GPRC6A: variants seen among roughly 807,000 people sequenced by gnomAD.
The protein encoded by GPRC6A is G protein-coupled receptor family C group 6 member A.
Under a neutral mutation model 47.0 loss-of-function variants are expected in GPRC6A, and 54 were observed. The ratio of observed to expected loss-of-function variants is 1.15; its 90% CI spans 0.92 to 1.44. The LOEUF is 1.44. Among genes scored for constraint, GPRC6A ranks in the 40% most tolerant of loss-of-function variants. The pLI is 0.00. For missense variants in GPRC6A, 1,112 were observed against 1,105.5 expected (o/e 1.01, Z -0.08); for synonymous variants, 347 against 377.1 (o/e 0.92, Z 0.93).
At chr6:116,824,650 T>A (rs1347366403) in intron 1 of GPRC6A, among the ~76,000 whole-genome samples, 1 of 151,944 alleles carries the variant, frequency 6.6e-6, no homozygotes, top group East Asian at 1.9e-4. Context: ...TGCTGCTGAA[T>A]TCTACCAAAT....
chr6:116,800,382 T>C (rs1306800748), intron 4 of GPRC6A, among the ~76,000 whole-genome samples: 1 of 136,490 alleles, frequency 7.3e-6, no homozygotes, highest in Non-Finnish European at 1.6e-5. Flanking sequence ...CCTCCCTCCC[T>C]CTCTCTCTCT....
At chr6:116,816,852 G>T (rs1227873089) in intron 1 of GPRC6A, among the ~76,000 whole-genome samples, 1 of 152,122 alleles carries the variant, frequency 6.6e-6, no homozygotes, top group Admixed American at 6.5e-5. Context: ...GGCGCACTAC[G>T]AGATTATATC....
intron 1 of GPRC6A, among the ~76,000 whole-genome samples, chr6:116,825,081 A>G (rs565976926): frequency 6.6e-6 from 1 of 152,194 alleles, no homozygotes; most frequent in Non-Finnish European, 1.5e-5. Flanking sequence ...CAGATGGAAC[A>G]TACTTCAAAT....
intron 1 of GPRC6A, among the ~76,000 whole-genome samples, chr6:116,810,026 C>A (rs1772975526): frequency 6.6e-6 from 1 of 152,000 alleles, no homozygotes; most frequent in South Asian, 2.1e-4. Context: ...ATAAATAAGA[C>A]TCTTAAGAAT....
intron 1 of GPRC6A, among the ~76,000 whole-genome samples, chr6:116,818,513 G>A (rs1405280249): frequency 1.5e-4 from 11 of 72,584 alleles, no homozygotes; most frequent in African/African-American, 3.9e-4. Context: ...CAGCCTGGGC[G>A]ACAGAGCGAG....
intron 1 of GPRC6A, among the ~76,000 whole-genome samples, chr6:116,816,837 A>T (rs1773229535): frequency 6.6e-6 from 1 of 152,232 alleles, no homozygotes; most frequent in Non-Finnish European, 1.5e-5. Context: ...ACAGGCTTAA[A>T]AAACGGCGCA....
intron 2 of GPRC6A, 83 bp downstream of exon 2, chr6:116,809,231 A>AACTAGTTTCCTCAGGTTTCCCTG: frequency 9.4e-7 from 1 of 1,060,630 alleles, no homozygotes; most frequent in Non-Finnish European, 1.4e-6. Context: ...GTGACTCCCT[A>AACTAGTTTCCTCAGGTTTCCCTG]ACTAGTTTCC....
intron 1 of GPRC6A, among the ~76,000 whole-genome samples, chr6:116,820,439 C>T (rs1218607739): frequency 3.9e-5 from 6 of 152,020 alleles, no homozygotes; most frequent in Admixed American, 1.3e-4. Flanking sequence ...CCTTGATGAA[C>T]ATGGATGCAA....
intron 4 of GPRC6A, among the ~76,000 whole-genome samples, chr6:116,800,176 TCTCCCCTCCC>T (rs139646325): frequency 6.7e-6 from 1 of 150,156 alleles, no homozygotes; most frequent in Non-Finnish European, 1.5e-5. Context: ...TAGTCAGCAG[TCTCCCCTCCC>T]CTCCCCTCCC....
At chr6:116,795,684 C>A in intron 5 of GPRC6A, 28 bp downstream of exon 5, 1 of 1,525,528 alleles carries the variant, frequency 6.6e-7, no homozygotes, top group Non-Finnish European at 8.9e-7. Flanking sequence ...AGGAATGATT[C>A]AGGTGTATGT....
intron 1 of GPRC6A, among the ~76,000 whole-genome samples, chr6:116,811,603 C>T (rs1773026917): frequency 6.6e-6 from 1 of 151,706 alleles, no homozygotes; most frequent in Non-Finnish European, 1.5e-5. Context: ...AAAAACAATA[C>T]AAAGAAATCT....
intron 1 of GPRC6A, among the ~76,000 whole-genome samples, chr6:116,821,515 T>C (rs1473650821): frequency 2.0e-5 from 3 of 151,956 alleles, no homozygotes; most frequent in East Asian, 3.9e-4. Context: ...AACAGAGATA[T>C]AGATCAATGG....
intron 1 of GPRC6A, among the ~76,000 whole-genome samples, chr6:116,811,507 C>T (rs1773024468): frequency 6.6e-6 from 1 of 151,776 alleles, no homozygotes; most frequent in Admixed American, 6.6e-5. Flanking sequence ...AGAAACAGAT[C>T]TCAATCAAAA....
intron 1 of GPRC6A, among the ~76,000 whole-genome samples, chr6:116,819,659 A>G (rs1051014388): frequency 1.4e-4 from 22 of 152,316 alleles, no homozygotes; most frequent in African/African-American, 5.3e-4. Context: ...TTTGAAACCA[A>G]CAAGAACAAA....
At chr6:116,812,446 G>T (rs1773056562) in intron 1 of GPRC6A, among the ~76,000 whole-genome samples, 1 of 152,096 alleles carries the variant, frequency 6.6e-6, no homozygotes, top group Non-Finnish European at 1.5e-5. Context: ...TGGTAAAAAA[G>T]AGGAAGGACT....
At chr6:116,814,925 A>C (rs1242774125) in intron 1 of GPRC6A, among the ~76,000 whole-genome samples, 1 of 152,202 alleles carries the variant, frequency 6.6e-6, no homozygotes, top group Non-Finnish European at 1.5e-5. Context: ...GAGCAGAAGT[A>C]GCTATATTTA....
Position 116,792,428 on chromosome 6 carries a change from G to T in GPRC6A, c.2495C>A (p.Pro832His). 1 of 1,613,932 alleles carries T rather than the reference G, an allele frequency of 6.2e-7. No homozygotes were observed. The highest frequency in any genetic ancestry group is 8.5e-7 in the Non-Finnish European group (1 of 1,179,912). ...CTTACAAATAATAACATAGCATTTG[G>T]GGATGAATGTGCAATACAGGATTCC... ...NYGILYCTFI[P>H]KCYVIICKQE... The change falls in exon 6 of 6, where the codon CCC becomes CAC. Residue 832 changes from proline (P) to histidine (H), a missense_variant. Coordinates refer to ENST00000310357, the MANE Select transcript of GPRC6A (RefSeq NM_148963.4).
chr6:116,809,280 C>A (rs1419964166), intron 2 of GPRC6A, 34 bp downstream of exon 2: 3 of 1,558,688 alleles, frequency 1.9e-6, no homozygotes, highest in South Asian at 2.3e-5. Context: ...CAAATGTGAT[C>A]AAAAGCAATG....
At chr6:116,814,159 G>T (rs1410743052) in intron 1 of GPRC6A, among the ~76,000 whole-genome samples, 1 of 152,180 alleles carries the variant, frequency 6.6e-6, no homozygotes, top group Admixed American at 6.6e-5. Context: ...GCTGGTGGGA[G>T]TGTAAATTGG....
Sources: gnomAD v4.1 joint callset for allele counts (sites outside exome capture counted in the v4.1 genomes callset) on GRCh38, gnomAD v4.1.1 for gene constraint, MANE v1.5 for transcripts, NCBI Gene and HGNC (gene_info 2026-07-23, HGNC 2026-07-21) for gene names.